ATAD2B: variants seen among roughly 807,000 people sequenced by gnomAD.
ATAD2B encodes the protein ATPase family AAA domain-containing protein 2B.
Under a neutral mutation model 167.6 loss-of-function variants are expected in ATAD2B, and 40 were observed. The ratio of observed to expected loss-of-function variants is 0.24; its 90% CI spans 0.19 to 0.31. ATAD2B has a LOEUF of 0.31. ATAD2B is among the 10% of genes least tolerant of loss of function. ATAD2B has a pLI of 1.00. For missense variants in ATAD2B, 1,242 were observed against 1,757.2 expected (o/e 0.71, Z 5.24); for synonymous variants, 579 against 596.5 (o/e 0.97, Z 0.43).
At chr2:23,854,612 C>T (rs139573322) in intron 13 of ATAD2B, among the ~76,000 whole-genome samples, 3,337 of 146,508 alleles carry the variant, frequency 0.023, 133 homozygotes, top group African/African-American at 0.08. Flanking sequence ...TGGCAGGCGG[C>T]GGTTGCAGTG....
chr2:23,895,947 T>C lies in ATAD2B; in HGVS notation c.240A>G (p.Leu80=). ...CTGGAGGAGATACGTGGCTATCACT[T>C]AAACTACCATCAACTTCAACTTTCT... The part of the protein sequence containing the change: ...EARKVEVDGS[L]SDSHVSPPAK... The change falls in exon 2 of 28, where the codon TTA becomes TTG. Residue 80 remains leucine, a synonymous_variant. Transcript: ENST00000238789. 6.2e-7 allele frequency: 1 copy of C among 1,612,768 alleles called. No individual in the cohort carries two copies. The highest frequency in any genetic ancestry group is 1.7e-5 in the Admixed American group (1 of 59,936).
chr2:23,874,581 T>C (rs1033103077), intron 8 of ATAD2B, among the ~76,000 whole-genome samples: 1 of 151,754 alleles, frequency 6.6e-6, no homozygotes, highest in Non-Finnish European at 1.5e-5. Flanking sequence ...CGTGTGCCTG[T>C]AGTCCCAGCT....
At chr2:23,695,217 T>TGGAAAA in the ATAD2B span, among the ~76,000 whole-genome samples, 1 of 152,280 alleles carries the variant, frequency 6.6e-6, no homozygotes, top group Admixed American at 6.5e-5. This position sits in a 1 kb window ranked among gnomAD's most constrained non-coding sequence, Gnocchi z 7.6. Context: ...TCCTCCCACC[T>TGGAAAA]GTTCCTGAGT....
the ATAD2B span, among the ~76,000 whole-genome samples, chr2:23,684,818 C>G: frequency 6.6e-6 from 1 of 152,014 alleles, no homozygotes; most frequent in Non-Finnish European, 1.5e-5. The surrounding 1 kb of genome is among the most constrained non-coding windows in gnomAD (Gnocchi z 4.4). Flanking sequence ...CCGTGCCCCA[C>G]CCCTGAGATC....
rs2150505954 is a variant in ATAD2B, at chr2:23,908,682, G to A, written c.217-12712C>T. Among the ~76,000 whole-genome samples, 2 of 152,152 alleles carry A rather than the reference G, an allele frequency of 1.3e-5. 1 individual carries two copies. Among genetic ancestry groups the A allele is most frequent in the South Asian group, 4.1e-4 (2 of 4,820 alleles). On this transcript the variant is annotated intron_variant, in intron 1 of 27. Transcript: ENST00000238789. ...AAATCATGCTGCTATAAAGACACAT[G>A]CACGCGTATGTTTATTGTGGCATTA...
intron 19 of ATAD2B, among the ~76,000 whole-genome samples, chr2:23,791,632 AAAGG>A (rs1452679221): frequency 2.8e-4 from 42 of 152,336 alleles, no homozygotes; most frequent in Non-Finnish European, 5.3e-4. Context: ...ACCTCATATA[AAAGG>A]AATTATACAA....
At chr2:23,789,056 C>T (rs910245602) in intron 19 of ATAD2B, among the ~76,000 whole-genome samples, 2 of 151,518 alleles carry the variant, frequency 1.3e-5, no homozygotes, top group African/African-American at 4.9e-5. Context: ...TTTGTACTCC[C>T]TATCCATTGA....
At chr2:23,919,086 T>A (rs1703498545) in intron 1 of ATAD2B, among the ~76,000 whole-genome samples, 1 of 152,148 alleles carries the variant, frequency 6.6e-6, no homozygotes, top group African/African-American at 2.4e-5. Context: ...TGCACACCTG[T>A]AACCCTAACA....
chr2:23,725,771 C>T, the ATAD2B span, among the ~76,000 whole-genome samples: 7 of 152,138 alleles, frequency 4.6e-5, no homozygotes, highest in Admixed American at 3.9e-4. Flanking sequence ...TAAATCCAAA[C>T]ATATAAATAA....
intron 15 of ATAD2B, among the ~76,000 whole-genome samples, chr2:23,825,272 C>A (rs1350693088): frequency 6.6e-6 from 1 of 151,804 alleles, no homozygotes; most frequent in East Asian, 1.9e-4. Flanking sequence ...TCACAATGAC[C>A]TTATAGAACA....
chr2:23,919,325 C>A (rs193185100), intron 1 of ATAD2B, among the ~76,000 whole-genome samples: 1 of 151,316 alleles, frequency 6.6e-6, no homozygotes, highest in East Asian at 2.0e-4. Flanking sequence ...GGTGGGTGGA[C>A]TGCTTAAGCC....
intron 12 of ATAD2B, among the ~76,000 whole-genome samples, chr2:23,862,398 CTGGTT>C: frequency 7.8e-6 from 1 of 128,166 alleles, no homozygotes; most frequent in Non-Finnish European, 1.6e-5. Flanking sequence ...TATATTTGGA[CTGGTT>C]TTTTTTTTTT....
chr2:23,860,068 A>T (rs959938017), intron 12 of ATAD2B, among the ~76,000 whole-genome samples: 1 of 152,156 alleles, frequency 6.6e-6, no homozygotes, highest in Non-Finnish European at 1.5e-5. Flanking sequence ...GCTGACATCT[A>T]AGGAGTAGAT....
At chr2:23,682,977 G>A in the ATAD2B span, among the ~76,000 whole-genome samples, 38 of 152,182 alleles carry the variant, frequency 2.5e-4, no homozygotes, top group Admixed American at 1.7e-3. The surrounding 1 kb of genome is among the most constrained non-coding windows in gnomAD (Gnocchi z 4.1). Context: ...CCCTCCCACC[G>A]TCTTCCTTGG....
intron 14 of ATAD2B, among the ~76,000 whole-genome samples, chr2:23,831,795 C>T (rs1415256515): frequency 6.6e-6 from 1 of 152,176 alleles, no homozygotes; most frequent in Non-Finnish European, 1.5e-5. Flanking sequence ...CTATTGAGGA[C>T]ATCTCTCAAT....
chr2:23,862,211 T>A (rs948503308), intron 12 of ATAD2B, among the ~76,000 whole-genome samples: 1 of 151,018 alleles, frequency 6.6e-6, no homozygotes. Flanking sequence ...AAAAAAAAAA[T>A]TGTGAAGTAC....
chr2:23,722,753 C>T, the ATAD2B span, among the ~76,000 whole-genome samples: 359 of 152,190 alleles, frequency 2.4e-3, 2 homozygotes, highest in African/African-American at 8.0e-3. Flanking sequence ...TCAACCCAAA[C>T]AGATCCTCTC....
intron 13 of ATAD2B, among the ~76,000 whole-genome samples, chr2:23,845,208 CCTT>C (rs1290195435): frequency 6.6e-6 from 1 of 152,178 alleles, no homozygotes; most frequent in Non-Finnish European, 1.5e-5. Flanking sequence ...CAGTTTCACT[CCTT>C]ATCTCTACCC....
Position 23,880,761 on chromosome 2 carries a change from T to C in ATAD2B, c.785-6A>G. The C allele has an allele frequency of 6.6e-7, 1 of 1,514,128 alleles. No homozygotes were observed. The highest frequency in any genetic ancestry group is 2.3e-5 in the East Asian group (1 of 44,340). The allele number at this position is 1,514,128 out of a possible 1,614,324, so 93.8% of individuals were successfully genotyped here. A position where few individuals can be genotyped will look rare whatever the true frequency, so the allele number is the denominator to read the frequency against. On this transcript the variant is annotated splice_polypyrimidine_tract_variant and splice_region_variant and intron_variant, in intron 6 of 27. Transcript: ENST00000238789. ...TCCATCCTCCTCTTGAGATTCTAGT[T>C]TCCCACACACAAAAAGAAAAGAAAA...
Sources: allele counts gnomAD v4.1 joint callset (sites outside exome capture counted in the v4.1 genomes callset), GRCh38; gene constraint gnomAD v4.1.1; non-coding constraint Gnocchi (gnomAD v3.1); transcripts MANE v1.5; gene names NCBI Gene and HGNC (gene_info 2026-07-23, HGNC 2026-07-21).